PRDM16: variants seen among roughly 807,000 people sequenced by gnomAD.
PRDM16 encodes histone-lysine N-methyltransferase PRDM16.
Under a neutral mutation model 110.6 loss-of-function variants are expected in PRDM16, and 23 were observed. The observed-to-expected ratio is 0.21, with a 90% CI of 0.15 to 0.29. The LOEUF (loss-of-function observed/expected upper bound fraction) is 0.29, where lower values mean the gene tolerates loss of function less well. Ranked by LOEUF, PRDM16 falls within the 10% of genes least tolerant of loss-of-function variation. The pLI is 1.00. For synonymous variants in PRDM16, 799 were observed against 781.8 expected, an observed-to-expected ratio of 1.02 and a Z score of -0.37; for missense variants, 1,615 against 1,794.3, an observed-to-expected ratio of 0.90 and a Z score of 1.81.
chr1:3,354,897 C>T (rs532111393), intron 3 of PRDM16, among the ~76,000 whole-genome samples: 47 of 152,214 alleles, frequency 3.1e-4, no homozygotes, highest in Admixed American at 2.9e-3. Context: ...AGGACCGGGC[C>T]GCACCATGAA....
At chr1:3,410,265 T>C (rs1234958912) in intron 8 of PRDM16, among the ~76,000 whole-genome samples, 1 of 152,092 alleles carries the variant, frequency 6.6e-6, no homozygotes, top group East Asian at 1.9e-4. Context: ...CACAGGCCTT[T>C]AGGAAAATGG....
chr1:3,200,805 C>G (rs1638604462), intron 2 of PRDM16, among the ~76,000 whole-genome samples: 1 of 152,172 alleles, frequency 6.6e-6, no homozygotes, highest in Admixed American at 6.5e-5. Flanking sequence ...GTCTCCTGCA[C>G]CTAATCCCAG....
chr1:3,112,492 A>G (rs1363677933), intron 1 of PRDM16, among the ~76,000 whole-genome samples: 2 of 152,226 alleles, frequency 1.3e-5, no homozygotes, highest in Non-Finnish European at 2.9e-5. Context: ...TTGCACGGGA[A>G]GGCTCTGTGT....
intron 1 of PRDM16, among the ~76,000 whole-genome samples, chr1:3,114,183 A>ACGTG (rs1557455885): frequency 8.8e-6 from 1 of 113,904 alleles, no homozygotes; most frequent in Non-Finnish European, 1.7e-5. Flanking sequence ...ACGCACACAC[A>ACGTG]CGCACACACG....
intron 3 of PRDM16, among the ~76,000 whole-genome samples, chr1:3,361,863 G>A (rs1047454314): frequency 4.6e-5 from 7 of 151,618 alleles, no homozygotes; most frequent in Admixed American, 2.0e-4. Context: ...AGAAGTGACT[G>A]TGGCCCAGGA....
At chr1:3,096,006 G>A (rs1459920878) in intron 1 of PRDM16, among the ~76,000 whole-genome samples, 1 of 152,058 alleles carries the variant, frequency 6.6e-6, no homozygotes, top group Non-Finnish European at 1.5e-5. Context: ...GTGGGCCCTG[G>A]CTGGGACACC....
At chr1:3,178,745 T>C (rs1014638668) in intron 1 of PRDM16, among the ~76,000 whole-genome samples, 3 of 152,084 alleles carry the variant, frequency 2.0e-5, no homozygotes, top group African/African-American at 7.2e-5. Flanking sequence ...AGGGCACCCC[T>C]CCTGGAGGCT....
intron 1 of PRDM16, 66 bp from the exon 2 acceptor site, chr1:3,186,059 T>C: frequency 7.2e-7 from 1 of 1,386,862 alleles, no homozygotes. Context: ...TCCCCGGCGC[T>C]CCCTGAGCTG....
Position 3,281,951 on chromosome 1 carries a change from G to A in PRDM16, c.438+37814G>A, listed in dbSNP as rs1452127558. Reference sequence around the variant, plus strand: ...GCCAAGGTGGGCGCCCGCAGCCCTGGATGTGGAGGGGTGTTCTAGAAGGAG... The same window carrying A: ...GCCAAGGTGGGCGCCCGCAGCCCTGAATGTGGAGGGGTGTTCTAGAAGGAG... On this transcript the variant is annotated intron_variant, in intron 3 of 16. Transcript: ENST00000270722. Among the ~76,000 whole-genome samples, 7 of 152,212 alleles carry A rather than the reference G, an allele frequency of 4.6e-5. No individual in the cohort carries two copies. In the East Asian group the frequency reaches 1.4e-3, roughly 29 times the overall value.
In PRDM16 at chr1:3,409,664, C is replaced by T. The variant is rs532575732; in HGVS notation, c.1187-1720C>T. On this transcript the variant is annotated intron_variant, in intron 8 of 16. Coordinates refer to ENST00000270722, the MANE Select transcript of PRDM16 (RefSeq NM_022114.4). ...CGCCGGGATGTGTGTGTGTGGTGTG[C>T]GTGTCTGTGGTGTGTGTGTGCGTGT... 3.4e-5 allele frequency among the ~76,000 whole-genome samples: 5 copies of T among 149,024 alleles called. No individual in the cohort carries two copies. The South Asian group carries it at 6.5e-4, about 19-fold the overall frequency.
chr1:3,252,222 G>A (rs572670914), intron 3 of PRDM16, among the ~76,000 whole-genome samples: 3 of 152,306 alleles, frequency 2.0e-5, no homozygotes, highest in South Asian at 4.1e-4. Flanking sequence ...CCTCCCTCTC[G>A]TGGTGCAGGT....
chr1:3,152,831 C>T (rs1204701053), intron 1 of PRDM16, among the ~76,000 whole-genome samples: 1 of 152,226 alleles, frequency 6.6e-6, no homozygotes, highest in Non-Finnish European at 1.5e-5. Flanking sequence ...CGTCCTCAGG[C>T]AGGAGGGGTT....
intron 3 of PRDM16, among the ~76,000 whole-genome samples, chr1:3,338,391 G>C (rs763546177): frequency 5.9e-5 from 9 of 152,062 alleles, no homozygotes; most frequent in Non-Finnish European, 5.9e-5. Context: ...CAAACACACT[G>C]TCCAGGGAGC....
At chr1:3,308,233 C>T (rs1489449543) in intron 3 of PRDM16, 1 of 152,368 alleles carries the variant, frequency 6.6e-6, no homozygotes, top group African/African-American at 2.4e-5. Flanking sequence ...CATCCTCCCT[C>T]CTCCAACCCA....
At chr1:3,129,307 CT>C (rs2100679536) in intron 1 of PRDM16, among the ~76,000 whole-genome samples, 1 of 60,446 alleles carries the variant, frequency 1.7e-5, no homozygotes, top group African/African-American at 7.8e-5. Context: ...TGTCAGTGTC[CT>C]GCCTGGTGTG....
intron 3 of PRDM16, chr1:3,307,322 C>T (rs1419383534): frequency 6.6e-6 from 1 of 152,210 alleles, no homozygotes; most frequent in Non-Finnish European, 1.5e-5. Flanking sequence ...CATTTCTCCA[C>T]ATCATCACCG....
intron 3 of PRDM16, among the ~76,000 whole-genome samples, chr1:3,336,156 C>T (rs1201892295): frequency 1.3e-5 from 2 of 152,226 alleles, no homozygotes; most frequent in Non-Finnish European, 2.9e-5. Context: ...TGCATTCAGG[C>T]TTACTGACCT....
At chr1:3,235,693 G>A (rs1006593480) in intron 2 of PRDM16, among the ~76,000 whole-genome samples, 1 of 152,194 alleles carries the variant, frequency 6.6e-6, no homozygotes, top group Non-Finnish European at 1.5e-5. Flanking sequence ...CCCCAGCTCC[G>A]CCTGACATGG....
intron 1 of PRDM16, among the ~76,000 whole-genome samples, chr1:3,111,457 G>A (rs192943985): frequency 0.015 from 2,192 of 151,024 alleles, 63 homozygotes; most frequent in African/African-American, 0.05. Context: ...AGTGCCACGC[G>A]GACTCCTGTG....
Sources: allele counts gnomAD v4.1 joint callset (sites outside exome capture counted in the v4.1 genomes callset), GRCh38; gene constraint gnomAD v4.1.1; transcripts MANE v1.5; gene names NCBI Gene and HGNC (gene_info 2026-07-23, HGNC 2026-07-21).